The following PRPF6 variants were observed in gnomAD, a reference collection of about 807,000 sequenced individuals.
The protein encoded by PRPF6 is pre-mRNA-processing factor 6.
A neutral mutation model predicts 118.3 loss-of-function variants in PRPF6; 42 were observed. That is an observed-to-expected ratio of 0.35 (90% CI 0.28 to 0.46). The LOEUF (loss-of-function observed/expected upper bound fraction) is 0.46. PRPF6 is among the 20% of genes least tolerant of loss of function. The probability of loss-of-function intolerance (pLI) is 1.00; values close to 1 mark genes in which losing one functional copy is unlikely to be tolerated. For synonymous variants in PRPF6, 481 were observed against 485.1 expected (o/e 0.99, Z 0.11); for missense variants, 662 against 1,255.7 (o/e 0.53, Z 7.15).
At chr20:64,014,261 TTCTC>T (rs1240076075) in intron 11 of PRPF6, among the ~76,000 whole-genome samples, 1 of 152,062 alleles carries the variant, frequency 6.6e-6, no homozygotes, top group Non-Finnish European at 1.5e-5. Flanking sequence ...TTTACTTTCT[TTCTC>T]TACACATTTT....
chr20:63,998,542 A>C (rs1379552177), intron 6 of PRPF6, among the ~76,000 whole-genome samples: 8 of 151,270 alleles, frequency 5.3e-5, no homozygotes. Flanking sequence ...CAAAAAAATA[A>C]ATAAAAATAT....
At chr20:64,008,648 G>A (rs895486392) in intron 9 of PRPF6, among the ~76,000 whole-genome samples, 4 of 152,238 alleles carry the variant, frequency 2.6e-5, no homozygotes, top group Admixed American at 2.6e-4. Context: ...TTTATTGCCA[G>A]AATTATTCTT....
chr20:64,031,184 C>G (rs899416542), intron 19 of PRPF6, among the ~76,000 whole-genome samples: 4 of 152,256 alleles, frequency 2.6e-5, no homozygotes, highest in African/African-American at 9.6e-5. Context: ...AGCCCATCTT[C>G]TCAGTGTTCA....
intron 12 of PRPF6, among the ~76,000 whole-genome samples, chr20:64,019,764 G>C (rs758407601): frequency 6.6e-6 from 1 of 152,256 alleles, no homozygotes; most frequent in Non-Finnish European, 1.5e-5. Flanking sequence ...CACAGTGCCT[G>C]AGGCAGGGCC....
chr20:64,002,589 G>T (rs1276908489), intron 9 of PRPF6, among the ~76,000 whole-genome samples: 1 of 151,550 alleles, frequency 6.6e-6, no homozygotes, highest in Non-Finnish European at 1.5e-5. Context: ...TCCTGCCTTG[G>T]CCTCCCAAAG....
rs147281171 is a variant in PRPF6, at chr20:64,028,239, C to T, written c.2340-239C>T. Among the ~76,000 whole-genome samples the T allele has an allele frequency of 6.6e-6, 1 of 152,358 alleles. No homozygotes were observed. Among genetic ancestry groups the T allele is most frequent in the South Asian group, 2.1e-4 (1 of 4,828 alleles). ...GTCTTGTTTGTTCTGGATGCCTTCA[C>T]CTGCATCTGGACAGCGTCAGGATCT... On this transcript the variant is annotated intron_variant, in intron 17 of 20. Coordinates refer to ENST00000266079, the MANE Select transcript of PRPF6 (RefSeq NM_012469.4). This position sits in a 1 kb window ranked among gnomAD's most constrained non-coding sequence, Gnocchi z 6.5.
intron 10 of PRPF6, among the ~76,000 whole-genome samples, chr20:64,010,686 A>C (rs2059212908): frequency 6.6e-6 from 1 of 152,212 alleles, no homozygotes; most frequent in South Asian, 2.1e-4. Flanking sequence ...TCAGCTCCGC[A>C]TGACTGCTCT....
intron 19 of PRPF6, 78 bp from the exon 20 acceptor site, chr20:64,031,840 G>A (rs1287115224): frequency 1.0e-5 from 16 of 1,598,164 alleles, no homozygotes; most frequent in Non-Finnish European, 1.1e-5. Context: ...GAAGCTGATG[G>A]CCCTGAAGCC....
Position 64,027,484 on chromosome 20 carries a change from C to G in PRPF6, c.2206-119C>G. Reference sequence around the variant, plus strand: ...AATGCAGAGTGTGAGGGGTGTTTTTCCATGGACATGGCAGCCCTGAGGGAC... The same window carrying G: ...AATGCAGAGTGTGAGGGGTGTTTTTGCATGGACATGGCAGCCCTGAGGGAC... On this transcript the variant is annotated intron_variant, in intron 16 of 20. Coordinates refer to ENST00000266079, the MANE Select transcript of PRPF6 (RefSeq NM_012469.4). The surrounding 1 kb of genome is among the most constrained non-coding windows in gnomAD (Gnocchi z 6.5). The G allele has an allele frequency of 6.9e-7, 1 of 1,451,240 alleles. No individual in the cohort carries two copies. The highest frequency in any genetic ancestry group is 9.7e-7 in the Non-Finnish European group (1 of 1,035,034). The allele number at this position is 1,451,240 out of a possible 1,614,324, so 89.9% of individuals were successfully genotyped here.
chr20:64,032,095 G>T (rs1433763138), intron 20 of PRPF6, 51 bp downstream of exon 20: 1 of 1,611,820 alleles, frequency 6.2e-7, no homozygotes, highest in Admixed American at 1.7e-5. Flanking sequence ...ACTGTGGCGG[G>T]GAGTTCCGCC....
chr20:64,014,940 C>T (rs528185482), intron 11 of PRPF6, among the ~76,000 whole-genome samples: 5 of 152,190 alleles, frequency 3.3e-5, no homozygotes, highest in Non-Finnish European at 5.9e-5. Context: ...TCACACGACA[C>T]GTGGTCTTTT....
chr20:64,016,565 C>T (rs1479453313), intron 11 of PRPF6, among the ~76,000 whole-genome samples, 158 bp from the exon 12 acceptor site: 2 of 152,172 alleles, frequency 1.3e-5, no homozygotes, highest in Non-Finnish European at 2.9e-5. Flanking sequence ...TTCTGATTGG[C>T]GTGCAGTAGA....
Position 63,995,411 on chromosome 20 carries a change from G to A in PRPF6, c.700G>A (p.Gly234Ser), listed in dbSNP as rs781185049. Residue 234 changes from glycine to serine, a missense_variant, in exon 6 of 21, where the codon GGC becomes AGC. By Grantham distance (56) the Gly-to-Ser change is moderately conservative. Around this residue, in one of 10 missense-constraint regions of PRPF6, gnomAD observed 97 missense variants for 122.6 expected, o/e 0.79. Transcript: ENST00000266079. ...GGMTPGLMTP[G>S]TGELDMRKIG... ...AATGACGCCAGGACTGATGACACCT[G>A]GCACAGGTGAGCTGGACATGAGGAA... 6.2e-7 allele frequency: 1 copy of A among 1,614,170 alleles called. No individual in the cohort carries two copies. Among genetic ancestry groups the A allele is most frequent in the East Asian group, 2.2e-5 (1 of 44,890 alleles).
intron 8 of PRPF6, 46 bp from the exon 9 acceptor site, chr20:64,001,031 T>G (rs1386824360): frequency 6.2e-7 from 1 of 1,605,340 alleles, no homozygotes; most frequent in East Asian, 2.2e-5. Flanking sequence ...CTGTTGCGGC[T>G]TCCAGCCTGC....
chr20:63,984,851 G>C, intron 2 of PRPF6, 56 bp from the exon 3 acceptor site: 1 of 1,243,932 alleles, frequency 8.0e-7, no homozygotes, highest in Non-Finnish European at 1.2e-6. Flanking sequence ...CCGTTTCGCT[G>C]GTGGGGATGG....
intron 9 of PRPF6, among the ~76,000 whole-genome samples, chr20:64,004,631 G>C (rs2059181744): frequency 6.6e-6 from 1 of 152,140 alleles, no homozygotes; most frequent in African/African-American, 2.4e-5. Flanking sequence ...TGAGACCTGA[G>C]GAGGCTGAGT....
intron 11 of PRPF6, among the ~76,000 whole-genome samples, 173 bp from the exon 12 acceptor site, chr20:64,016,550 G>T (rs2059239264): frequency 6.6e-6 from 1 of 152,128 alleles, no homozygotes. Flanking sequence ...TTTCTCTATT[G>T]TTTTTTCTGA....
chr20:63,995,465 G>A lies in PRPF6; in HGVS notation c.754G>A (p.Asp252Asn), dbSNP rs780167715. The change falls in exon 6 of 21, where the codon GAC (aspartate) becomes AAC (asparagine). Residue 252 changes from aspartate to asparagine, a missense_variant. This residue lies in a region of PRPF6 where 71 missense variants were observed against 166.4 expected (regional missense o/e 0.43). Coordinates refer to ENST00000266079, the MANE Select transcript of PRPF6 (RefSeq NM_012469.4). ...TGGCCAAGCGAGGAACACTCTGATG[G>A]ACATGAGGCTGAGCCAGGTGAGTTT... ...KIGQARNTLM[D>N]MRLSQVSDSV... 1.9e-6 allele frequency: 3 copies of A among 1,614,120 alleles called. No individual in the cohort carries two copies. The highest frequency in any genetic ancestry group is 4.5e-5 in the East Asian group (2 of 44,892).
chr20:63,999,895 G>A, intron 8 of PRPF6, 136 bp downstream of exon 8: 1 of 1,145,450 alleles, frequency 8.7e-7, no homozygotes, highest in East Asian at 2.6e-5. Context: ...GGGAGGATGT[G>A]AAAAGCAGCC....
Sources: gnomAD v4.1 joint callset for allele counts (sites outside exome capture counted in the v4.1 genomes callset) on GRCh38, gnomAD v4.1.1 for gene constraint, gnomAD v4.1.1 regional missense constraint, Gnocchi (gnomAD v3.1) non-coding constraint, MANE v1.5 for transcripts, NCBI Gene and HGNC (gene_info 2026-07-23, HGNC 2026-07-21) for gene names.